Variants in TXNDC12 observed in about 807,000 individuals in gnomAD.
TXNDC12 encodes thioredoxin domain-containing protein 12.
A neutral mutation model predicts 24.2 loss-of-function variants in TXNDC12; 22 were observed. The observed-to-expected ratio is 0.91, with a 90% confidence interval of 0.65 to 1.30. The LOEUF is 1.30. TXNDC12 is among the 50% of genes most tolerant of loss of function. The pLI, the probability that TXNDC12 is intolerant of heterozygous loss-of-function variation, is 0.00. For missense variants in TXNDC12, 184 were observed against 205.8 expected (o/e 0.89, Z 0.65); for synonymous variants, 58 against 73.4 (o/e 0.79, Z 1.07).
intron 1 of TXNDC12, among the ~76,000 whole-genome samples, chr1:52,042,005 A>G (rs1686002609): frequency 6.6e-6 from 1 of 152,054 alleles, no homozygotes; most frequent in South Asian, 2.1e-4. Context: ...TAGGTCCATG[A>G]CTCCACTTCC....
intron 1 of TXNDC12, among the ~76,000 whole-genome samples, chr1:52,046,662 G>C (rs1686095133): frequency 6.6e-6 from 1 of 151,436 alleles, no homozygotes. Context: ...GATCACTTGA[G>C]GTCAGGAGTT....
At chr1:52,033,881 T>C (rs1685832614) in intron 2 of TXNDC12, 2 of 1,436,078 alleles carry the variant, frequency 1.4e-6, no homozygotes, top group Non-Finnish European at 1.8e-6. Flanking sequence ...ACAGACCCTC[T>C]TGTTTCTATG....
intron 4 of TXNDC12, 111 bp from the exon 5 acceptor site, chr1:52,024,690 TA>T: frequency 2.6e-6 from 2 of 758,154 alleles, no homozygotes; most frequent in Non-Finnish European, 2.3e-6. Context: ...TGCAGTGGCC[TA>T]TAAGGCCCTA....
chr1:52,053,491 C>T (rs1301505598), intron 1 of TXNDC12, among the ~76,000 whole-genome samples: 12 of 151,922 alleles, frequency 7.9e-5, no homozygotes, highest in Non-Finnish European at 1.6e-4. Flanking sequence ...AGTGAAACCC[C>T]GTCTCTACTA....
At chr1:52,041,055 G>A (rs1685978509) in intron 2 of TXNDC12, among the ~76,000 whole-genome samples, 1 of 150,944 alleles carries the variant, frequency 6.6e-6, no homozygotes, top group African/African-American at 2.4e-5. Context: ...AAAAAAGGCC[G>A]GGCGCGGTGG....
In TXNDC12 at chr1:52,020,896, G is replaced by A. The variant is rs770818133; in HGVS notation, c.*37C>T. The A allele has an allele frequency of 1.3e-6, 2 of 1,546,892 alleles. No individual in the cohort carries two copies. Among genetic ancestry groups the A allele is most frequent in the Non-Finnish European group, 1.8e-6 (2 of 1,119,076 alleles). On this transcript the variant is annotated 3_prime_UTR_variant, in exon 7 of 7. Coordinates refer to ENST00000371626, the MANE Select transcript of TXNDC12 (RefSeq NM_015913.4). ...TCCCTTCCCTGCTGCTTTCCTTCCA[G>A]AACACTAACTCTGATGAAAGAAGGG...
chr1:52,043,853 T>C (rs1686039022), intron 1 of TXNDC12: 1 of 152,232 alleles, frequency 6.6e-6, no homozygotes, highest in South Asian at 2.1e-4. Context: ...AATTCAAATC[T>C]AATTTTCATC....
rs139909329 is a variant in TXNDC12 at position 52,033,164 on chromosome 1, A to C, written c.159-4534T>G. 74 of 1,614,170 alleles carry C rather than the reference A, an allele frequency of 4.6e-5. No homozygotes were observed. The African/African-American group carries it at 9.5e-4, about 21-fold the overall frequency. The stretch of plus-strand genomic sequence containing the variant: ...AGTTCGGGAGAGTAAAAGGCACCGG[A>C]CCCATGCTTTGCAGATTTCTCTGAA... On this transcript the variant is annotated intron_variant, in intron 2 of 6. Transcript: ENST00000371626.
intron 1 of TXNDC12, chr1:52,052,655 A>AT (rs1222530316): frequency 1.3e-5 from 2 of 154,630 alleles, no homozygotes; most frequent in East Asian, 3.8e-4. Context: ...TACTCACACA[A>AT]TTGTGAGCAT....
At chr1:52,041,214 T>G (rs1685982425) in intron 2 of TXNDC12, among the ~76,000 whole-genome samples, 1 of 151,756 alleles carries the variant, frequency 6.6e-6, no homozygotes, top group Admixed American at 6.6e-5. Flanking sequence ...GTGCCTGTAG[T>G]CCCAGCTACT....
rs1454166828 is a variant in TXNDC12, at chr1:52,033,429, G to A, written c.159-4799C>T. The A allele has an allele frequency of 2.5e-6, 4 of 1,611,422 alleles. No homozygotes were observed. The African/African-American group carries it at 5.3e-5, about 22-fold the overall frequency. On this transcript the variant is annotated intron_variant, in intron 2 of 6. Transcript: ENST00000371626. ...CCACCTGAGGTCCCGCGATCGGGCCGCCGGGCCGTACGCAGTAGACCAGGC... is the reference window on the plus strand; with the variant it reads ...CCACCTGAGGTCCCGCGATCGGGCCACCGGGCCGTACGCAGTAGACCAGGC...
At chr1:52,032,541 G>C in intron 2 of TXNDC12, 1 of 1,391,646 alleles carries the variant, frequency 7.2e-7, no homozygotes, top group Non-Finnish European at 9.3e-7. Flanking sequence ...CCCAAGGCCT[G>C]GCACAGGGGT....
chr1:52,042,673 AGTG>A (rs1254029721), intron 1 of TXNDC12, among the ~76,000 whole-genome samples: 3 of 151,566 alleles, frequency 2.0e-5, no homozygotes, highest in African/African-American at 7.3e-5. Flanking sequence ...CCCAGGCTGG[AGTG>A]CAATGGCATG....
intron 4 of TXNDC12, among the ~76,000 whole-genome samples, chr1:52,025,496 G>A (rs1442350364): frequency 6.6e-6 from 1 of 152,174 alleles, no homozygotes; most frequent in Non-Finnish European, 1.5e-5. Context: ...GGGATCACAG[G>A]CATAAGCCAC....
At chr1:52,037,749 A>T (rs954612711) in intron 2 of TXNDC12, among the ~76,000 whole-genome samples, 1 of 152,048 alleles carries the variant, frequency 6.6e-6, no homozygotes, top group Admixed American at 6.6e-5. Context: ...TCGAGGCTGG[A>T]GGTTAACAGC....
chr1:52,054,983 T>G lies in TXNDC12; in HGVS notation c.97+17A>C. On this transcript the variant is annotated intron_variant, in intron 1 of 6. Transcript: ENST00000371626. ...ATAGTAAAGATCAGTAAAGAGAAGA[T>G]AAGAACGCGGTCTGACCCTTTCCAA... is the stretch of plus-strand genomic sequence containing the variant. 4.4e-6 allele frequency: 7 copies of G among 1,585,226 alleles called. No individual in the cohort carries two copies. The highest frequency in any genetic ancestry group is 2.2e-5 in the East Asian group (1 of 44,724).
intron 2 of TXNDC12, among the ~76,000 whole-genome samples, chr1:52,039,925 T>C (rs1685954907): frequency 6.6e-6 from 1 of 151,846 alleles, no homozygotes; most frequent in Non-Finnish European, 1.5e-5. Flanking sequence ...TTTATTTTTA[T>C]TTTTATTTTT....
Position 52,041,519 on chromosome 1 carries a change from TA to T in TXNDC12, c.158+17del. Reference sequence around the variant, plus strand: ...AAGTGTTTTACCACCATAAATGACCTAAAACCATGTCTTGTACCTGGCAGCT... The same window carrying T: ...AAGTGTTTTACCACCATAAATGACCTAAACCATGTCTTGTACCTGGCAGCT... On this transcript the variant is annotated intron_variant, in intron 2 of 6. Coordinates refer to ENST00000371626, the MANE Select transcript of TXNDC12 (RefSeq NM_015913.4). The T allele has an allele frequency of 1.3e-6, 2 of 1,597,770 alleles. No homozygotes were observed. The highest frequency in any genetic ancestry group is 1.7e-6 in the Non-Finnish European group (2 of 1,166,314).
chr1:52,038,071 G>C (rs894335388), intron 2 of TXNDC12, among the ~76,000 whole-genome samples: 1 of 152,038 alleles, frequency 6.6e-6, no homozygotes, highest in Admixed American at 6.6e-5. Flanking sequence ...GGAACAACAG[G>C]TGTGTGCCAC....
Sources: allele counts gnomAD v4.1 joint callset (sites outside exome capture counted in the v4.1 genomes callset), GRCh38; gene constraint gnomAD v4.1.1; transcripts MANE v1.5; gene names NCBI Gene and HGNC (gene_info 2026-07-23, HGNC 2026-07-21).